PLGRKT: variants seen among roughly 807,000 people sequenced by gnomAD.
PLGRKT encodes plasminogen receptor with a C-terminal lysine, also known as plasminogen receptor (KT).
PLGRKT carries 22 observed loss-of-function variants against 18.5 expected under a neutral mutation model. That is an observed-to-expected ratio of 1.19 (90% CI 0.85 to 1.70). PLGRKT has a LOEUF of 1.70. Among genes scored for constraint, PLGRKT ranks in the 40% most tolerant of loss-of-function variants. The pLI, the probability that PLGRKT is intolerant of heterozygous loss-of-function variation, is 0.00. For synonymous variants in PLGRKT, 72 were observed against 52.8 expected, an observed-to-expected ratio of 1.36 and a Z score of -1.58; for missense variants, 235 against 174.4, an observed-to-expected ratio of 1.35 and a Z score of -1.96.
intron 3 of PLGRKT, among the ~76,000 whole-genome samples, chr9:5,427,721 A>G (rs1038432971): frequency 2.0e-5 from 3 of 152,222 alleles, no homozygotes; most frequent in Non-Finnish European, 4.4e-5. Flanking sequence ...GTAGCATAAA[A>G]TCCCAGACAC....
intron 3 of PLGRKT, among the ~76,000 whole-genome samples, chr9:5,397,665 G>T (rs368099846): frequency 6.6e-6 from 1 of 151,772 alleles, no homozygotes; most frequent in African/African-American, 2.4e-5. Flanking sequence ...AATGGTCAGT[G>T]GCTTGGAGGC....
intron 2 of PLGRKT, among the ~76,000 whole-genome samples, chr9:5,435,790 G>A (rs1298551967): frequency 2.6e-5 from 4 of 152,224 alleles, no homozygotes; most frequent in African/African-American, 9.6e-5. Flanking sequence ...ATAGGCTGTT[G>A]AGTAGGGTTG....
chr9:5,358,506 G>T, intron 5 of PLGRKT, 146 bp from the exon 6 acceptor site: 1 of 566,198 alleles, frequency 1.8e-6, no homozygotes. Context: ...CTCAGGAGAA[G>T]TAATATACTT....
At chr9:5,424,500 CATATA>C (rs1238594676) in intron 3 of PLGRKT, among the ~76,000 whole-genome samples, 1 of 118,250 alleles carries the variant, frequency 8.5e-6, no homozygotes, top group Non-Finnish European at 1.6e-5. Context: ...ATATTATTAA[CATATA>C]ATATATAACA....
At chr9:5,374,420 A>G (rs1476264131) in intron 3 of PLGRKT, among the ~76,000 whole-genome samples, 2 of 152,212 alleles carry the variant, frequency 1.3e-5, no homozygotes, top group African/African-American at 4.8e-5. Context: ...CTCCTAGACA[A>G]GACATGGTCT....
chr9:5,431,531 CAA>C (rs1191361436), intron 3 of PLGRKT, among the ~76,000 whole-genome samples: 165 of 77,044 alleles, frequency 2.1e-3, no homozygotes, highest in African/African-American at 3.3e-3. Context: ...GAGACTCTCT[CAA>C]AAAAAAAAAA....
chr9:5,429,969 C>A (rs1298796090), intron 3 of PLGRKT, among the ~76,000 whole-genome samples: 5 of 152,146 alleles, frequency 3.3e-5, no homozygotes, highest in African/African-American at 9.7e-5. Flanking sequence ...CCCCCTGCCA[C>A]AACCCACCCC....
At chr9:5,406,223 C>T (rs562471283) in intron 3 of PLGRKT, among the ~76,000 whole-genome samples, 16 of 152,178 alleles carry the variant, frequency 1.1e-4, no homozygotes, top group African/African-American at 3.1e-4. Context: ...GATTTAGAAC[C>T]GAAAATACCA....
In PLGRKT at chr9:5,424,514, CAT is replaced by C. The variant is rs1414601868; in HGVS notation, c.81+7381_81+7382del. The stretch of plus-strand genomic sequence containing the variant: ...TATATTATTAACATATAATATATAA[CAT>C]ATAAATATATATTATTAACATATAT... On this transcript the variant is annotated intron_variant, in intron 3 of 5. Transcript: ENST00000223864. 2.5e-3 allele frequency among the ~76,000 whole-genome samples: 273 copies of C among 107,216 alleles called. 2 individuals carry two copies. Among genetic ancestry groups the C allele is most frequent in the African/African-American group, 9.3e-3 (244 of 26,114 alleles). The allele number at this position is 107,216 out of a possible 152,430, so 70.3% of individuals were successfully genotyped here.
Position 5,418,518 on chromosome 9 carries a change from C to A in PLGRKT, c.81+13379G>T. 1 of 1,020,616 alleles carries A rather than the reference C, an allele frequency of 9.8e-7. No homozygotes were observed. 63.2% of individuals were successfully genotyped at this position (1,020,616 alleles called of 1,614,324 possible). A position where few individuals can be genotyped will look rare whatever the true frequency, so the allele number is the denominator to read the frequency against. ...TTTTCACCATGCCCCGCCTGTCCTGCTCCTCCTCCGCCACCCCCTGGGGAG... is the reference window on the plus strand; with the variant it reads ...TTTTCACCATGCCCCGCCTGTCCTGATCCTCCTCCGCCACCCCCTGGGGAG... On this transcript the variant is annotated intron_variant, in intron 3 of 5. Coordinates refer to ENST00000223864, the MANE Select transcript of PLGRKT (RefSeq NM_018465.4). The surrounding 1 kb of genome is among the most constrained non-coding windows in gnomAD (Gnocchi z 4.2).
At chr9:5,416,647 A>G (rs531063168) in intron 3 of PLGRKT, among the ~76,000 whole-genome samples, 1 of 152,010 alleles carries the variant, frequency 6.6e-6, no homozygotes, top group South Asian at 2.1e-4. Flanking sequence ...GAAGGAGGAA[A>G]ACAAAAAAAA....
chr9:5,378,424 C>T (rs899094260), intron 3 of PLGRKT, among the ~76,000 whole-genome samples: 1 of 152,180 alleles, frequency 6.6e-6, no homozygotes, highest in East Asian at 1.9e-4. Context: ...ACACCGCACA[C>T]AATATGAATG....
chr9:5,407,386 C>T (rs1818276805), intron 3 of PLGRKT, among the ~76,000 whole-genome samples: 1 of 152,100 alleles, frequency 6.6e-6, no homozygotes, highest in African/African-American at 2.4e-5. Context: ...TGAACATAAT[C>T]TAAATTGTTC....
At chr9:5,393,070 G>C (rs1259539788) in intron 3 of PLGRKT, among the ~76,000 whole-genome samples, 1 of 151,594 alleles carries the variant, frequency 6.6e-6, no homozygotes, top group Non-Finnish European at 1.5e-5. Context: ...TCAAACTTCT[G>C]ACCTCAGGTG....
intron 3 of PLGRKT, among the ~76,000 whole-genome samples, chr9:5,374,256 C>T (rs12336856): frequency 2.0e-5 from 3 of 152,196 alleles, no homozygotes; most frequent in South Asian, 2.1e-4. Flanking sequence ...ACCATCATTA[C>T]CCATCAATAG....
chr9:5,428,963 G>C (rs1818759777), intron 3 of PLGRKT, among the ~76,000 whole-genome samples: 1 of 152,176 alleles, frequency 6.6e-6, no homozygotes, highest in Non-Finnish European at 1.5e-5. Flanking sequence ...TGGTCTCCCA[G>C]TGTGCTGGGA....
Position 5,418,351 on chromosome 9 carries a change from C to G in PLGRKT, c.81+13546G>C. 6 of 688,828 alleles carry G rather than the reference C, an allele frequency of 8.7e-6. No homozygotes were observed. The highest frequency in any genetic ancestry group is 1.3e-5 in the Non-Finnish European group (5 of 382,460). The allele number at this position is 688,828 out of a possible 1,614,324, so 42.7% of individuals were successfully genotyped here. ...CCCCTAAGTTGGCACCCACAAGAGA[C>G]TTCCCTGCAGCCCTCTCCAGCCACA... On this transcript the variant is annotated intron_variant, in intron 3 of 5. Transcript: ENST00000223864. This position sits in a 1 kb window ranked among gnomAD's most constrained non-coding sequence, Gnocchi z 4.2.
intron 3 of PLGRKT, among the ~76,000 whole-genome samples, chr9:5,366,507 G>T (rs917844608): frequency 1.3e-5 from 2 of 152,114 alleles, no homozygotes; most frequent in African/African-American, 4.8e-5. Context: ...AGGCTTATCT[G>T]ATGCTAGTTT....
At chr9:5,382,001 T>G (rs1817756423) in intron 3 of PLGRKT, 1 of 985,222 alleles carries the variant, frequency 1.0e-6, no homozygotes, top group African/African-American at 1.7e-5. Flanking sequence ...GTTTACCCAG[T>G]CACAAGACTT....
Sources: allele counts gnomAD v4.1 joint callset (sites outside exome capture counted in the v4.1 genomes callset), GRCh38; gene constraint gnomAD v4.1.1; non-coding constraint Gnocchi (gnomAD v3.1); transcripts MANE v1.5; gene names NCBI Gene and HGNC (gene_info 2026-07-23, HGNC 2026-07-21).